CC2D1B: variants seen among roughly 807,000 people sequenced by gnomAD.
The protein encoded by CC2D1B is coiled-coil and C2 domain containing 1B.
A neutral mutation model predicts 110.8 loss-of-function variants in CC2D1B; 92 were observed. That is an observed-to-expected ratio of 0.83 (90% CI 0.70 to 0.99). The LOEUF (loss-of-function observed/expected upper bound fraction) is 0.99. Among genes scored for constraint, CC2D1B ranks in the 50% least tolerant of loss-of-function variants. The pLI, the probability that CC2D1B is intolerant of heterozygous loss-of-function variation, is 0.00. For missense variants in CC2D1B, 1,136 were observed against 1,089.0 expected (o/e 1.04, Z -0.61); for synonymous variants, 406 against 429.2 (o/e 0.95, Z 0.67).
Position 52,355,665 on chromosome 1 carries a change from C to T in CC2D1B, c.2130G>A (p.Gly710=), listed in dbSNP as rs770502147. 1.9e-6 allele frequency: 3 copies of T among 1,614,092 alleles called. No individual in the cohort carries two copies. The highest frequency in any genetic ancestry group is 3.3e-5 in the Admixed American group (2 of 60,014). ...VRGMNLPAPP[G]VTPDDLDAFV... is the part of the protein sequence containing the mutation. ...AAGCATCCAGGTCATCGGGAGTCAC[C>T]CCTGGGAAGGAGAAAAGGGAGTCAA... The change falls in exon 20 of 25, where the codon GGG becomes GGA. Residue 710 remains glycine, a splice_region_variant and synonymous_variant. Coordinates refer to ENST00000284376, the MANE Select transcript of CC2D1B (RefSeq NM_001330585.2).
intron 13 of CC2D1B, 64 bp downstream of exon 13, chr1:52,358,267 G>A (rs967443119): frequency 6.4e-7 from 1 of 1,574,058 alleles, no homozygotes; most frequent in African/African-American, 1.3e-5. Context: ...GGACAACAGG[G>A]TCTGGGTTTA....
intron 16 of CC2D1B, 98 bp downstream of exon 16, chr1:52,356,903 G>A: frequency 7.3e-7 from 1 of 1,377,334 alleles, no homozygotes; most frequent in Non-Finnish European, 9.7e-7. Context: ...GAAGAGCTGA[G>A]AATTTTGAGT....
chr1:52,364,709 G>C (rs546891275), intron 1 of CC2D1B, 75 bp from the exon 2 acceptor site: 1 of 931,362 alleles, frequency 1.1e-6, no homozygotes, highest in East Asian at 2.6e-5. Flanking sequence ...CCGTGGTAAG[G>C]TGTGGATAGT....
intron 23 of CC2D1B, chr1:52,353,983 AAG>A (rs1646584616): frequency 7.0e-6 from 2 of 285,038 alleles, no homozygotes; most frequent in African/African-American, 4.3e-5. Context: ...ACAGATGGCC[AAG>A]AGAGAGAAGC....
chr1:52,361,208 C>G, intron 4 of CC2D1B, 76 bp from the exon 5 acceptor site: 3 of 1,543,810 alleles, frequency 1.9e-6, no homozygotes, highest in Non-Finnish European at 2.7e-6. Context: ...GAGTAAAGGA[C>G]CCTCTCTCTC....
Position 52,351,707 on chromosome 1 carries a change from AAC to A in CC2D1B, c.*1516_*1517del, listed in dbSNP as rs1207742885. 1 of 151,934 alleles carries A rather than the reference AAC, an allele frequency of 6.6e-6. No homozygotes were observed. Among genetic ancestry groups the A allele is most frequent in the East Asian group, 1.9e-4 (1 of 5,172 alleles). 9.4% of individuals were successfully genotyped at this position (151,934 alleles called of 1,614,324 possible). ...GAGACCAGCCTGACCAACATGGTGA[AAC>A]ACCGTCTCTACTAAAAATAAAAAAA... On this transcript the variant is annotated 3_prime_UTR_variant, in exon 25 of 25. Coordinates refer to ENST00000284376, the MANE Select transcript of CC2D1B (RefSeq NM_001330585.2).
intron 15 of CC2D1B, 108 bp downstream of exon 15, chr1:52,357,418 G>T: frequency 8.1e-7 from 1 of 1,237,020 alleles, no homozygotes; most frequent in Non-Finnish European, 1.1e-6. Context: ...ATCATGCTCT[G>T]TCCAAACCCT....
In CC2D1B at chr1:52,353,007, A is replaced by AG; in HGVS notation, c.*217dup. On this transcript the variant is annotated 3_prime_UTR_variant, in exon 25 of 25. Transcript: ENST00000284376. ...CTCGGGGCAGGGGGAGACAGCGGGGAGATGGGCTCCTGGAACCCAGCCTGT... is the reference window on the plus strand; with the variant it reads ...CTCGGGGCAGGGGGAGACAGCGGGGAGGATGGGCTCCTGGAACCCAGCCTGT... The AG allele has an allele frequency of 1.0e-5, 4 of 394,646 alleles. No homozygotes were observed. Among genetic ancestry groups the AG allele is most frequent in the South Asian group, 8.1e-5 (4 of 49,198 alleles). 24.4% of individuals were successfully genotyped at this position (394,646 alleles called of 1,614,324 possible). A position where few individuals can be genotyped will look rare whatever the true frequency, so the allele number is the denominator to read the frequency against.
At chr1:52,358,195 G>A in intron 13 of CC2D1B, 136 bp downstream of exon 13, 1 of 1,278,304 alleles carries the variant, frequency 7.8e-7, no homozygotes, top group South Asian at 1.5e-5. Flanking sequence ...GGGTGTCCTT[G>A]GGCAAGTTTT....
rs758431439 is a variant in CC2D1B, at chr1:52,361,003, C to A, written c.448G>T (p.Val150Phe). 2.5e-6 allele frequency: 4 copies of A among 1,614,028 alleles called. No homozygotes were observed. Among genetic ancestry groups the A allele is most frequent in the African/African-American group, 1.3e-5 (1 of 74,908 alleles). ...GCTGCTGGGGCTGAAGCTGTCAGGA[C>A]GGCTGTCTGCACTGGAGGTTCAGTG... ...EDTEPPVQTA[V>F]LTASAPAAQA... The change falls in exon 5 of 25, where the codon GTC becomes TTC. Residue 150 changes from valine to phenylalanine, a missense_variant. Val to Phe is a conservative substitution (Grantham distance 50). Coordinates refer to ENST00000284376, the MANE Select transcript of CC2D1B (RefSeq NM_001330585.2).
At chr1:52,355,888 A>G (rs910129433) in intron 18 of CC2D1B, 44 bp from the exon 19 acceptor site, 4 of 1,594,102 alleles carry the variant, frequency 2.5e-6, no homozygotes, top group East Asian at 2.2e-5. Context: ...AGTGAAGGAC[A>G]GTAGTGGAAC....
chr1:52,358,004 G>A, intron 13 of CC2D1B, 106 bp from the exon 14 acceptor site: 6 of 1,442,188 alleles, frequency 4.2e-6, no homozygotes, highest in Non-Finnish European at 5.6e-6. Flanking sequence ...ATCGCTGTGT[G>A]ACCTGAGATG....
chr1:52,356,525 T>C, intron 16 of CC2D1B, 83 bp from the exon 17 acceptor site: 1 of 1,467,214 alleles, frequency 6.8e-7, no homozygotes, highest in South Asian at 1.1e-5. Context: ...TTCTCAAAGC[T>C]TCAACTTTCC....
At position 52,365,321 on chromosome 1, in the gene CC2D1B, G is replaced by C. The variant is rs888059888; in HGVS notation, c.-14-687C>G. Among the ~76,000 whole-genome samples the C allele has an allele frequency of 3.3e-5, 5 of 152,256 alleles. No individual in the cohort carries two copies. The South Asian group carries it at 1.0e-3, about 31-fold the overall frequency. ...GGTGGACTACACGGGGTTGCCCCAG[G>C]GGCCATGGGTGCCCTGAGGTGACCC... On this transcript the variant is annotated intron_variant, in intron 1 of 24. Transcript: ENST00000284376.
At chr1:52,354,563 CTT>C (rs749855699) in intron 23 of CC2D1B, 43 bp downstream of exon 23, 2 of 1,524,358 alleles carry the variant, frequency 1.3e-6, no homozygotes. Flanking sequence ...CGTATTGGCT[CTT>C]GTCGTACCAA....
intron 6 of CC2D1B, 84 bp downstream of exon 6, chr1:52,360,340 C>T (rs1025550534): frequency 6.3e-7 from 1 of 1,592,592 alleles, no homozygotes; most frequent in Non-Finnish European, 8.6e-7. Flanking sequence ...GGTGGGGTGA[C>T]CTCCCCTCCA....
intron 16 of CC2D1B, 127 bp from the exon 17 acceptor site, chr1:52,356,569 G>T: frequency 1.1e-6 from 1 of 941,862 alleles, no homozygotes. Flanking sequence ...CCACAACACA[G>T]CCCCAAGGGC....
At chr1:52,362,811 AG>A in intron 2 of CC2D1B, 65 bp from the exon 3 acceptor site, 1 of 1,559,748 alleles carries the variant, frequency 6.4e-7, no homozygotes, top group Non-Finnish European at 8.8e-7. Flanking sequence ...CTCCAGAGCC[AG>A]ACTTGGGGCT....
At chr1:52,355,543 A>C in intron 20 of CC2D1B, 65 bp downstream of exon 20, 1 of 1,609,298 alleles carries the variant, frequency 6.2e-7, no homozygotes, top group Non-Finnish European at 8.5e-7. Flanking sequence ...ATGGGAAGAA[A>C]GTGAGCACAG....
Sources: gnomAD v4.1 joint callset for allele counts (sites outside exome capture counted in the v4.1 genomes callset) on GRCh38, gnomAD v4.1.1 for gene constraint, MANE v1.5 for transcripts, NCBI Gene and HGNC (gene_info 2026-07-23, HGNC 2026-07-21) for gene names.